The following PTOV1 variants were observed in gnomAD, a reference collection of about 807,000 sequenced individuals.
The protein encoded by PTOV1 is PTOV1 extended AT-hook containing adaptor protein.
PTOV1 carries 20 observed loss-of-function variants against 58.0 expected under a neutral mutation model. That is an observed-to-expected ratio of 0.34 (90% confidence interval 0.24 to 0.50). The LOEUF (loss-of-function observed/expected upper bound fraction) is 0.50, where lower values mean the gene tolerates loss of function less well. PTOV1 is among the 20% of genes least tolerant of loss of function. The probability of loss-of-function intolerance (pLI) is 0.98; values close to 1 mark genes in which losing one functional copy is unlikely to be tolerated. For synonymous variants in PTOV1, 335 were observed against 234.2 expected, an observed-to-expected ratio of 1.43 and a Z score of -3.93; for missense variants, 593 against 565.4, an observed-to-expected ratio of 1.05 and a Z score of -0.50.
intron 1 of PTOV1, chr19:49,851,711 G>T (rs1016510411): frequency 2.7e-6 from 3 of 1,122,614 alleles, no homozygotes; most frequent in East Asian, 4.5e-5. Flanking sequence ...GGGGTGGGGG[G>T]TTGGGGGACG....
At chr19:49,856,214 TAGGGAA>T (rs1364627722) in intron 5 of PTOV1, 1 of 152,180 alleles carries the variant, frequency 6.6e-6, no homozygotes, top group Non-Finnish European at 1.5e-5. Flanking sequence ...ACCCAGTCTG[TAGGGAA>T]AGTGGACATC....
chr19:49,855,267 CAGCCTG>C, intron 5 of PTOV1, 190 bp downstream of exon 5: 1 of 606,860 alleles, frequency 1.6e-6, no homozygotes, highest in Non-Finnish European at 2.9e-6. Context: ...TGAAGGAACT[CAGCCTG>C]AGAGGCCTCC....
Position 49,857,037 on chromosome 19 carries a change from C to G in PTOV1, c.621C>G (p.Tyr207Ter). The change falls in exon 6 of 12, where the codon TAC becomes TAG. Residue 207 changes from tyrosine (Y) to a stop codon, truncating the protein, a stop_gained. Transcript: ENST00000391842. LOFTEE classifies it high-confidence loss of function. ...AGGTGCGCGTGCTCATGCTCCTGTACTCGTCCAAGAAGAAGATCTTCATGG... is the reference window on the plus strand; with the variant it reads ...AGGTGCGCGTGCTCATGCTCCTGTAGTCGTCCAAGAAGAAGATCTTCATGG... The G allele has an allele frequency of 6.2e-7, 1 of 1,614,100 alleles. No individual in the cohort carries two copies. Among genetic ancestry groups the G allele is most frequent in the Non-Finnish European group, 8.5e-7 (1 of 1,179,996 alleles).
At chr19:49,854,040 C>T (rs543525123) in intron 1 of PTOV1, among the ~76,000 whole-genome samples, 7 of 152,222 alleles carry the variant, frequency 4.6e-5, no homozygotes, top group Non-Finnish European at 8.8e-5. Flanking sequence ...TGGGCCCAGC[C>T]TGGGGCACGG....
chr19:49,858,841 A>G (rs951239293), intron 10 of PTOV1, 188 bp downstream of exon 10: 7 of 559,088 alleles, frequency 1.3e-5, no homozygotes, highest in Admixed American at 8.8e-5. Context: ...TGGGGCACTG[A>G]CCCTGGTTCT....
rs200363426 is a variant in PTOV1, at chr19:49,854,469, G to A, written c.235G>A (p.Gly79Arg). ...TCCCTCCTCACCTGGGCTCACCCTCGGGGGTCTGGCCGTGAGCGAGCACCG... is the reference window on the plus strand; with the variant it reads ...TCCCTCCTCACCTGGGCTCACCCTCAGGGGTCTGGCCGTGAGCGAGCACCG... The change falls in exon 2 of 12, where the codon GGG (glycine) becomes AGG (arginine). Residue 79 changes from glycine to arginine, a missense_variant. By Grantham distance (125) the Gly-to-Arg change is moderately radical. Transcript: ENST00000391842. 6.2e-6 allele frequency: 10 copies of A among 1,612,664 alleles called. No homozygotes were observed. The East Asian group carries it at 1.3e-4, about 22-fold the overall frequency.
chr19:49,851,410 G>T (rs989773452), exon 1 of PTOV1: 4 of 1,198,420 alleles, frequency 3.3e-6, no homozygotes, highest in Admixed American at 9.0e-5. Context: ...GCGGCCCCTC[G>T]TGGTGCGCGC....
Position 49,860,255 on chromosome 19 carries a change from T to C in PTOV1, c.1240-13T>C. On this transcript the variant is annotated splice_polypyrimidine_tract_variant and intron_variant, in intron 11 of 11. Coordinates refer to ENST00000391842, the Ensembl canonical transcript of PTOV1. ...CTGCCTGCTCACCACTGGCCTCTGA[T>C]TTCTCGCCGTAGATGGGGGGGTAGT... is the stretch of plus-strand genomic sequence containing the variant. 1 of 1,613,712 alleles carries C rather than the reference T, an allele frequency of 6.2e-7. No homozygotes were observed.
intron 2 of PTOV1, 47 bp downstream of exon 2, chr19:49,854,590 C>T: frequency 6.2e-6 from 10 of 1,612,874 alleles, no homozygotes; most frequent in South Asian, 3.3e-5. Context: ...CTTGTCTTGT[C>T]CCTGCGGGGA....
At chr19:49,857,251 G>A (rs2074512763) in intron 6 of PTOV1, 121 bp downstream of exon 6, 1 of 1,393,210 alleles carries the variant, frequency 7.2e-7, no homozygotes, top group Non-Finnish European at 9.9e-7. Flanking sequence ...AGGAGCTGCA[G>A]GGGAGCCCGG....
intron 10 of PTOV1, chr19:49,859,249 G>GT (rs1404028427): frequency 3.3e-5 from 5 of 152,846 alleles, no homozygotes; most frequent in African/African-American, 9.7e-5. Context: ...CTGTTCGTGG[G>GT]TGGGGGGGGC....
chr19:49,860,045 G>T, exon 11 of PTOV1: 1 of 1,614,220 alleles, frequency 6.2e-7, no homozygotes, highest in Non-Finnish European at 8.5e-7. Context: ...TTATGCTCCT[G>T]TACTCTTCAG....
At chr19:49,852,206 C>G in intron 1 of PTOV1, 1 of 474,740 alleles carries the variant, frequency 2.1e-6, no homozygotes, top group Non-Finnish European at 2.8e-6. Context: ...GAGATTTCCC[C>G]TGGGTTCGCG....
intron 6 of PTOV1, 148 bp from the exon 7 acceptor site, chr19:49,857,545 G>T: frequency 1.3e-6 from 1 of 750,522 alleles, no homozygotes; most frequent in Non-Finnish European, 2.3e-6. Context: ...GCAGATGAGG[G>T]GCAGGGCCTG....
intron 10 of PTOV1, 64 bp downstream of exon 10, chr19:49,858,717 CGGG>C: frequency 7.5e-7 from 1 of 1,334,722 alleles, no homozygotes; most frequent in Non-Finnish European, 1.0e-6. Context: ...GGACCGCTCA[CGGG>C]GGCGGACATG....
chr19:49,852,020 T>G lies in PTOV1; in HGVS notation c.171+521T>G, dbSNP rs577865755. 5 of 985,378 alleles carry G rather than the reference T, an allele frequency of 5.1e-6. No homozygotes were observed. The African/African-American group carries it at 5.2e-5, about 10-fold the overall frequency. The allele number at this position is 985,378 out of a possible 1,614,324, so 61.0% of individuals were successfully genotyped here. ...CGCGCCCACATGTGGGATGCTTTGA[T>G]GGACTGCCGTGAGCCCAGACCTTAA... On this transcript the variant is annotated intron_variant, in intron 1 of 11. Transcript: ENST00000391842.
rs2074261207 is a variant in PTOV1 at position 49,851,784 on chromosome 19, GGCAGACAGGCAGCCGGCAC to G, written c.171+288_171+306del. 3 of 1,050,266 alleles carry G rather than the reference GGCAGACAGGCAGCCGGCAC, an allele frequency of 2.9e-6. No homozygotes were observed. In the South Asian group the frequency reaches 1.4e-4, roughly 48 times the overall value. 65.1% of individuals were successfully genotyped at this position (1,050,266 alleles called of 1,614,324 possible). On this transcript the variant is annotated intron_variant, in intron 1 of 11. Transcript: ENST00000391842. Reference sequence around the variant, plus strand: ...CCCGATTTAAACGCGGGCTGGGGGCGGCAGACAGGCAGCCGGCACGCTCGCTTGTTTTTCCTATTGGAGA... The same window carrying G: ...CCCGATTTAAACGCGGGCTGGGGGCGGCTCGCTTGTTTTTCCTATTGGAGA...
At chr19:49,859,823 G>T (rs1424786829) in intron 10 of PTOV1, 163 bp from the exon 11 acceptor site, 2 of 715,310 alleles carry the variant, frequency 2.8e-6, no homozygotes, top group South Asian at 3.5e-5. Flanking sequence ...CTTGGCCACC[G>T]TGTCATCCCA....
At chr19:49,855,491 C>T (rs1395034890) in intron 5 of PTOV1, 2 of 240,116 alleles carry the variant, frequency 8.3e-6, no homozygotes, top group African/African-American at 2.2e-5. Flanking sequence ...AATGGGCTAA[C>T]CTCCCCGAGT....
Sources: allele counts gnomAD v4.1 joint callset (sites outside exome capture counted in the v4.1 genomes callset), GRCh38; gene constraint gnomAD v4.1.1; transcripts MANE v1.5; gene names NCBI Gene and HGNC (gene_info 2026-07-23, HGNC 2026-07-21).